Variants in TAFA1 observed in about 807,000 individuals in gnomAD.
The protein encoded by TAFA1 is TAFA chemokine like family member 1.
A neutral mutation model predicts 18.5 loss-of-function variants in TAFA1; 4 were observed. The ratio of observed to expected loss-of-function variants is 0.22; its 90% CI spans 0.11 to 0.49. The LOEUF is 0.49. TAFA1 is among the 20% of genes least tolerant of loss of function. TAFA1 has a pLI of 0.98. For missense variants in TAFA1, 147 were observed against 169.0 expected (o/e 0.87, Z 0.72); for synonymous variants, 56 against 55.2 (o/e 1.01, Z -0.06).
At chr3:68,367,705 G>C (rs1049821093) in intron 2 of TAFA1, among the ~76,000 whole-genome samples, 3 of 152,020 alleles carry the variant, frequency 2.0e-5, no homozygotes, top group East Asian at 1.9e-4. Flanking sequence ...AAAATAAAAG[G>C]CTCTCTGTGG....
intron 2 of TAFA1, among the ~76,000 whole-genome samples, chr3:68,025,684 T>C (rs1237060200): frequency 2.0e-5 from 3 of 152,160 alleles, no homozygotes; most frequent in Non-Finnish European, 4.4e-5. Context: ...CACACATCTG[T>C]ATTCATTGGC....
rs1031184271 is a variant in TAFA1, at chr3:68,293,054, T to A, written c.119-124226T>A. On this transcript the variant is annotated intron_variant, in intron 2 of 4. Transcript: ENST00000478136. ...TAAAAGGATGACTTTAAAAAAAAAATGCCTTAGGTTTGTACTAACAGCTAC... is the reference window on the plus strand; with the variant it reads ...TAAAAGGATGACTTTAAAAAAAAAAAGCCTTAGGTTTGTACTAACAGCTAC... Among the ~76,000 whole-genome samples, 34 of 144,266 alleles carry A rather than the reference T, an allele frequency of 2.4e-4. No individual in the cohort carries two copies. In the East Asian group the frequency reaches 6.0e-3, roughly 25 times the overall value. 94.6% of individuals were successfully genotyped at this position (144,266 alleles called of 152,430 possible). A position where few individuals can be genotyped will look rare whatever the true frequency, so the allele number is the denominator to read the frequency against.
intron 2 of TAFA1, among the ~76,000 whole-genome samples, chr3:68,272,244 G>A (rs2067689918): frequency 6.6e-6 from 1 of 152,214 alleles, no homozygotes; most frequent in African/African-American, 2.4e-5. Context: ...TAGGGAGGCA[G>A]CGTAGTAGCA....
chr3:68,364,495 T>G (rs2069529452), intron 2 of TAFA1, among the ~76,000 whole-genome samples: 1 of 152,150 alleles, frequency 6.6e-6, no homozygotes. Context: ...GTACAAAAAC[T>G]TAATTAAAGA....
chr3:68,234,541 A>G (rs557232976), intron 2 of TAFA1, among the ~76,000 whole-genome samples: 16 of 152,192 alleles, frequency 1.1e-4, no homozygotes, highest in Non-Finnish European at 1.5e-4. Flanking sequence ...TTCATCCAAC[A>G]TGCTGTGCAC....
At chr3:68,393,793 G>A (rs539198804) in intron 2 of TAFA1, among the ~76,000 whole-genome samples, 124 of 152,130 alleles carry the variant, frequency 8.2e-4, no homozygotes, top group African/African-American at 2.7e-3. Context: ...TGCAAAAAAG[G>A]CCTTTGATAA....
chr3:68,219,670 C>A (rs1490113802), intron 2 of TAFA1, among the ~76,000 whole-genome samples: 3 of 152,116 alleles, frequency 2.0e-5, no homozygotes, highest in Admixed American at 2.0e-4. Flanking sequence ...AAACATTTCA[C>A]CTGATTGACA....
intron 2 of TAFA1, among the ~76,000 whole-genome samples, chr3:68,180,867 A>T (rs1453291897): frequency 6.6e-6 from 1 of 152,144 alleles, no homozygotes; most frequent in East Asian, 1.9e-4. Context: ...TTTATTCTGG[A>T]AAAAACAACC....
chr3:68,206,396 T>C (rs2066526627), intron 2 of TAFA1, among the ~76,000 whole-genome samples: 1 of 151,916 alleles, frequency 6.6e-6, no homozygotes, highest in Non-Finnish European at 1.5e-5. Context: ...TGATTTGTCA[T>C]AAAATACCAT....
intron 3 of TAFA1, among the ~76,000 whole-genome samples, chr3:68,477,046 C>G (rs1029704231): frequency 6.6e-6 from 1 of 152,158 alleles, no homozygotes; most frequent in Non-Finnish European, 1.5e-5. Context: ...TTCATTCCCC[C>G]AAGGATATCT....
intron 2 of TAFA1, among the ~76,000 whole-genome samples, chr3:68,375,906 T>A (rs2069803920): frequency 6.6e-6 from 1 of 152,140 alleles, no homozygotes; most frequent in Non-Finnish European, 1.5e-5. Flanking sequence ...AGTGAAAGAA[T>A]CTCTAAAGAA....
At chr3:68,498,716 T>C (rs1335130656) in intron 3 of TAFA1, among the ~76,000 whole-genome samples, 3 of 133,726 alleles carry the variant, frequency 2.2e-5, no homozygotes, top group African/African-American at 8.4e-5. Context: ...CAAAGCCGTT[T>C]GGTGGCTTTT....
chr3:68,283,535 G>C (rs994772556), intron 2 of TAFA1, among the ~76,000 whole-genome samples: 1 of 152,118 alleles, frequency 6.6e-6, no homozygotes, highest in African/African-American at 2.4e-5. Context: ...TCCTGGCCCT[G>C]AGCATTTGCA....
intron 3 of TAFA1, among the ~76,000 whole-genome samples, chr3:68,510,591 C>G (rs2072830346): frequency 6.6e-6 from 1 of 152,116 alleles, no homozygotes; most frequent in Non-Finnish European, 1.5e-5. Flanking sequence ...ATGTAGCCAA[C>G]AGTCCACACA....
intron 2 of TAFA1, among the ~76,000 whole-genome samples, chr3:68,320,516 A>G (rs537643144): frequency 8.2e-4 from 124 of 152,138 alleles, no homozygotes; most frequent in African/African-American, 2.9e-3. Context: ...CAGCAAGCCT[A>G]TCTCCTCCTT....
intron 2 of TAFA1, among the ~76,000 whole-genome samples, chr3:68,262,933 A>T (rs962078892): frequency 3.9e-5 from 6 of 152,218 alleles, no homozygotes; most frequent in Non-Finnish European, 7.4e-5. Context: ...TAAAGTTTTA[A>T]TAATTTCTGT....
At chr3:68,260,143 A>G (rs1167323750) in intron 2 of TAFA1, among the ~76,000 whole-genome samples, 15 of 152,192 alleles carry the variant, frequency 9.9e-5, no homozygotes, top group Non-Finnish European at 1.6e-4. Flanking sequence ...AGTTTTTAGC[A>G]TGAAGCGTTG....
intron 2 of TAFA1, among the ~76,000 whole-genome samples, chr3:68,048,806 G>C (rs1206422663): frequency 6.6e-6 from 1 of 151,942 alleles, no homozygotes; most frequent in Non-Finnish European, 1.5e-5. Flanking sequence ...CTTTTTAATG[G>C]CTGAATAGTA....
At chr3:68,244,298 G>T (rs2067038461) in intron 2 of TAFA1, among the ~76,000 whole-genome samples, 1 of 152,010 alleles carries the variant, frequency 6.6e-6, no homozygotes, top group Non-Finnish European at 1.5e-5. Flanking sequence ...TCCATTAATT[G>T]GTTGTTGTTT....
Sources: gnomAD v4.1 joint callset for allele counts (sites outside exome capture counted in the v4.1 genomes callset) on GRCh38, gnomAD v4.1.1 for gene constraint, MANE v1.5 for transcripts, NCBI Gene and HGNC (gene_info 2026-07-23, HGNC 2026-07-21) for gene names.